Variants in ADGRD1 observed in about 807,000 individuals in gnomAD.
ADGRD1 encodes the protein adhesion G protein-coupled receptor D1.
ADGRD1 carries 77 observed loss-of-function variants against 113.4 expected under a neutral mutation model. The observed-to-expected ratio is 0.68, with a 90% CI of 0.57 to 0.82. The LOEUF is 0.82. Among genes scored for constraint, ADGRD1 ranks in the 40% least tolerant of loss-of-function variants. ADGRD1 has a pLI of 0.00. For synonymous variants in ADGRD1, 474 were observed against 475.0 expected, an observed-to-expected ratio of 1.00 and a Z score of 0.03; for missense variants, 1,036 against 1,139.1, an observed-to-expected ratio of 0.91 and a Z score of 1.30.
Position 131,141,307 on chromosome 12 carries a change from G to A in ADGRD1, c.*2044G>A, listed in dbSNP as rs1951240195. The A allele has an allele frequency of 6.6e-6, 1 of 152,202 alleles. No homozygotes were observed. Among genetic ancestry groups the A allele is most frequent in the Non-Finnish European group, 1.5e-5 (1 of 68,038 alleles). The allele number at this position is 152,202 out of a possible 1,614,324, so 9.4% of individuals were successfully genotyped here. ...CATGCACTTTATTTATAGGCTCTAT[G>A]TTTTGGCTTCTGCAGTACTTTTATT... On this transcript the variant is annotated 3_prime_UTR_variant, in exon 25 of 25. Coordinates refer to ENST00000261654, the MANE Select transcript of ADGRD1 (RefSeq NM_198827.5).
chr12:131,035,205 C>T, intron 13 of ADGRD1: 1 of 153,108 alleles, frequency 6.5e-6, no homozygotes, highest in Middle Eastern at 3.2e-3. Context: ...GGTCGTCGTC[C>T]TGTCTCAGCT....
intron 23 of ADGRD1, 165 bp downstream of exon 23, chr12:131,137,179 T>G (rs1951108151): frequency 1.5e-6 from 1 of 657,556 alleles, no homozygotes; most frequent in Non-Finnish European, 2.7e-6. Flanking sequence ...GGCCTGCTGC[T>G]GAGCAGCTCT....
chr12:130,970,685 CT>C (rs1277071857), intron 3 of ADGRD1: 1 of 152,210 alleles, frequency 6.6e-6, no homozygotes, highest in African/African-American at 2.4e-5. Flanking sequence ...TTTTTACAGT[CT>C]TCACTTATTT....
rs1334313689 is a variant in ADGRD1 at position 131,099,746 on chromosome 12, T to G, written c.1672-5085T>G. ...GGCTCACCTTATAACTCAAGCACCA[T>G]GTACCATGTGACCCTCCAATATGTC... On this transcript the variant is annotated intron_variant, in intron 15 of 24. Transcript: ENST00000261654. Among the ~76,000 whole-genome samples the G allele has an allele frequency of 2.0e-5, 3 of 152,378 alleles. No homozygotes were observed. The East Asian group carries it at 5.8e-4, about 29-fold the overall frequency.
intron 13 of ADGRD1, among the ~76,000 whole-genome samples, chr12:131,067,520 C>T (rs966039955): frequency 1.3e-5 from 2 of 151,674 alleles, no homozygotes; most frequent in Admixed American, 6.6e-5. Context: ...GATCGCTGTG[C>T]CCCTGATCCT....
chr12:131,095,995 G>A (rs1328711670), intron 15 of ADGRD1, among the ~76,000 whole-genome samples: 3 of 124,380 alleles, frequency 2.4e-5, no homozygotes, highest in South Asian at 2.9e-4. Flanking sequence ...CACCGTTCCC[G>A]CCTCCCAGCC....
At chr12:130,970,399 G>A (rs1200124597) in intron 3 of ADGRD1, 1 of 151,540 alleles carries the variant, frequency 6.6e-6, no homozygotes, top group Non-Finnish European at 1.5e-5. Context: ...CAATATATAG[G>A]TGTCCCTCAG....
chr12:131,104,716 G>A (rs1950189503), intron 15 of ADGRD1, 115 bp from the exon 16 acceptor site: 3 of 634,450 alleles, frequency 4.7e-6, no homozygotes, highest in Non-Finnish European at 8.0e-6. Flanking sequence ...CAGGCTTGGT[G>A]GTCAGCACCA....
intron 13 of ADGRD1, among the ~76,000 whole-genome samples, chr12:131,031,203 C>T (rs916528890): frequency 5.3e-5 from 8 of 152,236 alleles, no homozygotes; most frequent in African/African-American, 1.9e-4. Context: ...TCCCACCCTC[C>T]CTTCCTGCGC....
At position 131,140,899 on chromosome 12, in the gene ADGRD1, C is replaced by T. The variant is rs1434262979; in HGVS notation, c.*1636C>T. 5 of 152,410 alleles carry T rather than the reference C, an allele frequency of 3.3e-5. No individual in the cohort carries two copies. The East Asian group carries it at 5.8e-4, about 18-fold the overall frequency. 9.4% of individuals were successfully genotyped at this position (152,410 alleles called of 1,614,324 possible). A position where few individuals can be genotyped will look rare whatever the true frequency, so the allele number is the denominator to read the frequency against. ...GGGCCCTGCGTATGGCCCCTGCAAC[C>T]GTGCTCTGGCGGGCACACCTGGCTG... On this transcript the variant is annotated 3_prime_UTR_variant, in exon 25 of 25. Coordinates refer to ENST00000261654, the MANE Select transcript of ADGRD1 (RefSeq NM_198827.5).
At chr12:131,059,147 A>C (rs1322486484) in intron 13 of ADGRD1, among the ~76,000 whole-genome samples, 3 of 151,582 alleles carry the variant, frequency 2.0e-5, no homozygotes, top group African/African-American at 7.3e-5. Context: ...CTCTATTTTT[A>C]TTTTTGCTGT....
At chr12:130,998,930 T>A (rs1875978068) in intron 8 of ADGRD1, among the ~76,000 whole-genome samples, 1 of 152,208 alleles carries the variant, frequency 6.6e-6, no homozygotes, top group Non-Finnish European at 1.5e-5. Flanking sequence ...CACACTGGAT[T>A]TCTAAAACTT....
chr12:131,035,958 G>A (rs946075519), intron 13 of ADGRD1, among the ~76,000 whole-genome samples: 3 of 152,244 alleles, frequency 2.0e-5, no homozygotes, highest in Admixed American at 6.5e-5. Flanking sequence ...AGCCAAAACC[G>A]AGTCACATTA....
intron 23 of ADGRD1, 136 bp from the exon 24 acceptor site, chr12:131,138,001 A>G (rs918075566): frequency 4.4e-6 from 3 of 688,706 alleles, no homozygotes; most frequent in Non-Finnish European, 7.8e-6. Flanking sequence ...CTGTGGAGCC[A>G]GCAGCTCCGA....
At chr12:131,098,923 G>A (rs934091472) in intron 15 of ADGRD1, among the ~76,000 whole-genome samples, 2 of 152,236 alleles carry the variant, frequency 1.3e-5, no homozygotes, top group African/African-American at 4.8e-5. Flanking sequence ...CCAGCTGCAT[G>A]GTGGTGGGCA....
intron 13 of ADGRD1, among the ~76,000 whole-genome samples, chr12:131,034,215 C>A (rs894683288): frequency 6.6e-6 from 1 of 152,228 alleles, no homozygotes; most frequent in South Asian, 2.1e-4. Context: ...TGGGCCACTC[C>A]CCGCCCATTC....
In ADGRD1 at chr12:130,966,377, C is replaced by T; in HGVS notation, c.104-86C>T. ...GACATGGGATCCTTTTACTCTTCCCCCATAATGTGTGTGCTAAGCGGTTCT... is the reference window on the plus strand; with the variant it reads ...GACATGGGATCCTTTTACTCTTCCCTCATAATGTGTGTGCTAAGCGGTTCT... On this transcript the variant is annotated intron_variant, in intron 2 of 24. Transcript: ENST00000261654. This position sits in a 1 kb window ranked among gnomAD's most constrained non-coding sequence, Gnocchi z 4.6. 1 of 813,638 alleles carries T rather than the reference C, an allele frequency of 1.2e-6. No individual in the cohort carries two copies. The highest frequency in any genetic ancestry group is 2.4e-5 in the East Asian group (1 of 41,014). The allele number at this position is 813,638 out of a possible 1,614,324, so 50.4% of individuals were successfully genotyped here. A position where few individuals can be genotyped will look rare whatever the true frequency, so the allele number is the denominator to read the frequency against.
At position 130,984,744 on chromosome 12, in the gene ADGRD1, C is replaced by A. The variant is rs576614678; in HGVS notation, c.491-2351C>A. ...CCATTTTAAAAATTGGATTGTTTTT[C>A]TTTCTTTTTTCCTTCCTCCCTTTCT... is the stretch of plus-strand genomic sequence containing the variant. On this transcript the variant is annotated intron_variant, in intron 5 of 24. Coordinates refer to ENST00000261654, the MANE Select transcript of ADGRD1 (RefSeq NM_198827.5). The surrounding 1 kb of genome is among the most constrained non-coding windows in gnomAD (Gnocchi z 4.1). 1.3e-5 allele frequency among the ~76,000 whole-genome samples: 2 copies of A among 151,958 alleles called. No homozygotes were observed. Among genetic ancestry groups the A allele is most frequent in the South Asian group, 4.2e-4 (2 of 4,798 alleles).
chr12:131,128,644 C>T (rs567229872), intron 20 of ADGRD1, among the ~76,000 whole-genome samples: 1 of 152,200 alleles, frequency 6.6e-6, no homozygotes, highest in Non-Finnish European at 1.5e-5. Context: ...TTTCCACCCT[C>T]CCTCCAAACA....
Sources: gnomAD v4.1 joint callset for allele counts (sites outside exome capture counted in the v4.1 genomes callset) on GRCh38, gnomAD v4.1.1 for gene constraint, Gnocchi (gnomAD v3.1) non-coding constraint, MANE v1.5 for transcripts, NCBI Gene and HGNC (gene_info 2026-07-23, HGNC 2026-07-21) for gene names.